Variants in XPO6 observed in about 807,000 individuals in gnomAD.
XPO6 encodes the protein exportin-6.
XPO6 carries 3 observed loss-of-function variants against 130.0 expected under a neutral mutation model. The ratio of observed to expected loss-of-function variants is 0.02; its 90% CI spans 0.01 to 0.06. XPO6 has a LOEUF of 0.06. Ranked by LOEUF, XPO6 falls within the 10% of genes least tolerant of loss-of-function variation. The pLI is 1.00. For missense variants in XPO6, 970 were observed against 1,393.0 expected (o/e 0.70, Z 4.83); for synonymous variants, 524 against 548.9 (o/e 0.95, Z 0.63).
At chr16:28,207,323 G>A (rs902824580) in intron 1 of XPO6, among the ~76,000 whole-genome samples, 2 of 150,736 alleles carry the variant, frequency 1.3e-5, no homozygotes, top group South Asian at 2.1e-4. Flanking sequence ...AACTAAAAAA[G>A]AAATGCTAAT....
At chr16:28,108,018 G>A (rs73522877) in intron 17 of XPO6, among the ~76,000 whole-genome samples, 2,514 of 152,210 alleles carry the variant, frequency 0.017, 67 homozygotes, top group African/African-American at 0.058. Flanking sequence ...CCCCCAGGTT[G>A]GGTGCCTTGG....
chr16:28,209,508 C>T (rs2044091215), intron 1 of XPO6, among the ~76,000 whole-genome samples: 1 of 151,746 alleles, frequency 6.6e-6, no homozygotes, highest in Non-Finnish European at 1.5e-5. Flanking sequence ...GGCATGGTGG[C>T]GCATGCCTAT....
At position 28,172,769 on chromosome 16, in the gene XPO6, C is replaced by A. The variant is rs576987691; in HGVS notation, c.406-2860G>T. Among the ~76,000 whole-genome samples the A allele has an allele frequency of 4.6e-5, 7 of 152,114 alleles. No individual in the cohort carries two copies. In the South Asian group the frequency reaches 1.0e-3, roughly 23 times the overall value. On this transcript the variant is annotated intron_variant, in intron 4 of 23. Transcript: ENST00000304658. Reference sequence around the variant, plus strand: ...AAAAAACAAAACCATGCACCCCAGACTGCAAACACAACATGAGCCAAAAAA... The same window carrying A: ...AAAAAACAAAACCATGCACCCCAGAATGCAAACACAACATGAGCCAAAAAA...
At chr16:28,174,296 G>A (rs562538470) in intron 4 of XPO6, among the ~76,000 whole-genome samples, 3 of 152,074 alleles carry the variant, frequency 2.0e-5, no homozygotes, top group Admixed American at 6.6e-5. Flanking sequence ...TCAGGTTTCT[G>A]CTCAAATGTC....
At chr16:28,129,360 A>C (rs1376129264) in intron 12 of XPO6, among the ~76,000 whole-genome samples, 1 of 152,222 alleles carries the variant, frequency 6.6e-6, no homozygotes, top group Non-Finnish European at 1.5e-5. Context: ...CCACTGTGAA[A>C]AGCTGTTCAG....
At chr16:28,175,384 G>A (rs2043517528) in intron 4 of XPO6, among the ~76,000 whole-genome samples, 1 of 152,064 alleles carries the variant, frequency 6.6e-6, no homozygotes, top group African/African-American at 2.4e-5. Flanking sequence ...ACTACGAATT[G>A]CACAATGGAA....
chr16:28,175,808 T>C, intron 4 of XPO6, 90 bp downstream of exon 4: 1 of 1,203,950 alleles, frequency 8.3e-7, no homozygotes, highest in Non-Finnish European at 1.2e-6. Flanking sequence ...TCCAAACTGC[T>C]AATCTTAAAA....
At chr16:28,185,233 A>G (rs1212173566) in intron 1 of XPO6, among the ~76,000 whole-genome samples, 1 of 152,146 alleles carries the variant, frequency 6.6e-6, no homozygotes, top group Non-Finnish European at 1.5e-5. Flanking sequence ...AGTGGCCCAC[A>G]TCTATAATTC....
chr16:28,160,031 A>C (rs1398718856), intron 6 of XPO6, among the ~76,000 whole-genome samples: 1 of 151,082 alleles, frequency 6.6e-6, no homozygotes, highest in Non-Finnish European at 1.5e-5. Context: ...ACTAAAATAC[A>C]AAAATTAGCT....
chr16:28,145,943 GA>G (rs1348281853), intron 9 of XPO6, 150 bp downstream of exon 9: 13 of 534,714 alleles, frequency 2.4e-5, no homozygotes, highest in South Asian at 1.5e-4. Flanking sequence ...ACTTAAAGGA[GA>G]AAAAAAAGGA....
At position 28,204,773 on chromosome 16, in the gene XPO6, G is replaced by A. The variant is rs759307692; in HGVS notation, c.3+6593C>T. Among the ~76,000 whole-genome samples the A allele has an allele frequency of 2.0e-5, 3 of 152,284 alleles. No homozygotes were observed. In the South Asian group the frequency reaches 6.2e-4, roughly 32 times the overall value. On this transcript the variant is annotated intron_variant, in intron 1 of 23. Coordinates refer to ENST00000304658, the MANE Select transcript of XPO6 (RefSeq NM_015171.4). ...TGTCCCAGCGGCCAAGTGACGAAAG[G>A]CTGAACTGCAGAAGGGGTACTCCAC...
chr16:28,154,255 TAA>T (rs11284457), intron 7 of XPO6: 9,766 of 794,840 alleles, frequency 0.012, no homozygotes, highest in African/African-American at 0.017. Context: ...ACTACCCATT[TAA>T]AAAAAAAAAA....
In XPO6 at chr16:28,107,652, G is replaced by A; in HGVS notation, c.2367C>T (p.Leu789=). 1 of 1,614,050 alleles carries A rather than the reference G, an allele frequency of 6.2e-7. No individual in the cohort carries two copies. Among genetic ancestry groups the A allele is most frequent in the South Asian group, 1.1e-5 (1 of 91,076 alleles). The change falls in exon 18 of 24, where the codon CTC becomes CTT. Residue 789 remains leucine (L), a synonymous_variant. Coordinates refer to ENST00000304658, the MANE Select transcript of XPO6 (RefSeq NM_015171.4). ...TCTCCACAATATCTTCTAAGACGCT[G>A]AGTGTCTGGTGGATAATCAGTTTGG... The part of the protein sequence containing the change: ...DDTKLIIHQT[L]SVLEDIVENI...
intron 1 of XPO6, among the ~76,000 whole-genome samples, chr16:28,184,599 T>TAAAA (rs775780148): frequency 6.0e-5 from 6 of 99,286 alleles, no homozygotes. Flanking sequence ...AACAAATCAG[T>TAAAA]AAAAAAAAAA....
intron 8 of XPO6, among the ~76,000 whole-genome samples, chr16:28,151,693 A>T (rs2043094113): frequency 6.6e-6 from 1 of 152,126 alleles, no homozygotes; most frequent in Non-Finnish European, 1.5e-5. Context: ...AGATTTATGC[A>T]CTTTTCTGTA....
intron 1 of XPO6, among the ~76,000 whole-genome samples, chr16:28,201,914 CAT>C (rs1350504128): frequency 1.3e-5 from 2 of 152,136 alleles, no homozygotes; most frequent in Non-Finnish European, 2.9e-5. Context: ...CAAAAACAAA[CAT>C]ATCAAAATAA....
chr16:28,107,713 C>G lies in XPO6; in HGVS notation c.2342-36G>C, dbSNP rs199993373. ...AGATGAGTTGCAGGTTATAAGCTGT[C>G]TGGGGAGAAAGCATGGTAAGAGGAG... On this transcript the variant is annotated intron_variant, in intron 17 of 23. Coordinates refer to ENST00000304658, the MANE Select transcript of XPO6 (RefSeq NM_015171.4). The G allele has an allele frequency of 1.9e-6, 3 of 1,607,422 alleles. No individual in the cohort carries two copies. The African/African-American group carries it at 4.0e-5, about 21-fold the overall frequency.
intron 6 of XPO6, among the ~76,000 whole-genome samples, chr16:28,160,786 T>C (rs1212403814): frequency 6.6e-6 from 1 of 152,162 alleles, no homozygotes; most frequent in African/African-American, 2.4e-5. Flanking sequence ...ATTACTTCTA[T>C]TGATATTTGC....
intron 9 of XPO6, among the ~76,000 whole-genome samples, chr16:28,140,632 C>A (rs1313178508): frequency 6.7e-6 from 1 of 150,050 alleles, no homozygotes; most frequent in Non-Finnish European, 1.5e-5. Context: ...GAGCCAAGAT[C>A]ACGCCACTGC....
Sources: allele counts gnomAD v4.1 joint callset (sites outside exome capture counted in the v4.1 genomes callset), GRCh38; gene constraint gnomAD v4.1.1; transcripts MANE v1.5; gene names NCBI Gene and HGNC (gene_info 2026-07-23, HGNC 2026-07-21).